The following ATP13A5 variants were observed in gnomAD, a reference collection of about 807,000 sequenced individuals.
ATP13A5 encodes ATPase 13A5, also known as probable cation-transporting ATPase 13A5.
A neutral mutation model predicts 150.2 loss-of-function variants in ATP13A5; 149 were observed. That is an observed-to-expected ratio of 0.99 (90% confidence interval 0.87 to 1.14). The LOEUF is 1.14. Ranked by LOEUF, ATP13A5 falls within the 50% of genes most tolerant of loss-of-function variation. The pLI, the probability that ATP13A5 is intolerant of heterozygous loss-of-function variation, is 0.00. For missense variants in ATP13A5, 1,383 were observed against 1,449.3 expected (o/e 0.95, Z 0.74); for synonymous variants, 497 against 522.2 (o/e 0.95, Z 0.66).
Position 193,325,139 on chromosome 3 carries a change from A to G in ATP13A5, c.1524-125T>C, listed in dbSNP as rs186292909. On this transcript the variant is annotated intron_variant, in intron 13 of 29. Transcript: ENST00000342358. ...GCTCAGAACCTTCCCATGGCTCCCTATGCTCCAAATGATAAAGTCCAAACC... is the reference window on the plus strand; with the variant it reads ...GCTCAGAACCTTCCCATGGCTCCCTGTGCTCCAAATGATAAAGTCCAAACC... The G allele has an allele frequency of 1.6e-3, 1,438 of 890,408 alleles. 18 individuals are homozygous for G. The Admixed American group carries it at 0.022, about 14-fold the overall frequency. 55.2% of individuals were successfully genotyped at this position (890,408 alleles called of 1,614,324 possible). A position where few individuals can be genotyped will look rare whatever the true frequency, so the allele number is the denominator to read the frequency against.
intron 7 of ATP13A5, among the ~76,000 whole-genome samples, chr3:193,349,065 C>T (rs1048679782): frequency 3.3e-5 from 5 of 152,216 alleles, no homozygotes; most frequent in Admixed American, 1.3e-4. Context: ...TGAATGTGGG[C>T]GCCTATTGTA....
chr3:193,353,555 G>A (rs1471842141), intron 6 of ATP13A5, among the ~76,000 whole-genome samples: 2 of 152,120 alleles, frequency 1.3e-5, no homozygotes, highest in African/African-American at 2.4e-5. Flanking sequence ...AACCCCCAGT[G>A]TGATGGTATT....
intron 25 of ATP13A5, among the ~76,000 whole-genome samples, chr3:193,296,250 A>G (rs1718165381): frequency 6.6e-6 from 1 of 152,122 alleles, no homozygotes; most frequent in Non-Finnish European, 1.5e-5. Flanking sequence ...GGTGTGGTCT[A>G]GTCCATACCT....
chr3:193,298,282 T>C (rs1188733097), intron 25 of ATP13A5, among the ~76,000 whole-genome samples: 2 of 152,102 alleles, frequency 1.3e-5, no homozygotes, highest in African/African-American at 4.8e-5. Context: ...AATTATTCAG[T>C]CATATGAATA....
Position 193,290,218 on chromosome 3 carries a change from A to G in ATP13A5, c.2849-159T>C, listed in dbSNP as rs189836230. Among the ~76,000 whole-genome samples the G allele has an allele frequency of 3.9e-3, 599 of 152,258 alleles. 6 individuals carry two copies. Among genetic ancestry groups the G allele is most frequent in the African/African-American group, 0.014 (581 of 41,562 alleles). The stretch of plus-strand genomic sequence containing the variant: ...AGGTAAGCACATTGCCTGGTGGCAC[A>G]TCCAGTTCCACCAGCCTTTGTCTCT... On this transcript the variant is annotated intron_variant, in intron 25 of 29. Transcript: ENST00000342358.
At chr3:193,302,746 A>G (rs2108841341) in intron 23 of ATP13A5, among the ~76,000 whole-genome samples, 1 of 152,316 alleles carries the variant, frequency 6.6e-6, no homozygotes, top group East Asian at 1.9e-4. Context: ...CAAAGATGAA[A>G]ATCCGTGGAT....
intron 20 of ATP13A5, 147 bp from the exon 21 acceptor site, chr3:193,310,864 A>C: frequency 1.8e-6 from 1 of 545,890 alleles, no homozygotes; most frequent in Non-Finnish European, 3.2e-6. Flanking sequence ...GAAGGGAAAT[A>C]AGGAGATTTA....
At chr3:193,356,508 G>T (rs1712796268) in intron 5 of ATP13A5, among the ~76,000 whole-genome samples, 1 of 152,076 alleles carries the variant, frequency 6.6e-6, no homozygotes, top group South Asian at 2.1e-4. Flanking sequence ...TACTTGGGAG[G>T]CTGAGGCAGG....
chr3:193,303,015 C>A (rs73196879), intron 23 of ATP13A5, among the ~76,000 whole-genome samples: 2,788 of 152,272 alleles, frequency 0.018, 43 homozygotes, highest in Non-Finnish European at 0.03. Context: ...GGGCCACATG[C>A]ATGAGGAGGA....
chr3:193,364,327 T>TA, intron 1 of ATP13A5, 47 bp from the exon 2 acceptor site: 4 of 1,585,102 alleles, frequency 2.5e-6, no homozygotes, highest in Non-Finnish European at 3.4e-6. Flanking sequence ...TTTCTTCACA[T>TA]AAACATATTA....
intron 23 of ATP13A5, among the ~76,000 whole-genome samples, chr3:193,301,776 T>C (rs1718404350): frequency 1.3e-5 from 2 of 152,148 alleles, no homozygotes; most frequent in South Asian, 2.1e-4. Context: ...AGCTAAAGGA[T>C]AGGTGCTTTG....
At chr3:193,344,250 G>T (rs1577361349) in intron 8 of ATP13A5, among the ~76,000 whole-genome samples, 195 bp from the exon 9 acceptor site, 2 of 152,160 alleles carry the variant, frequency 1.3e-5, no homozygotes, top group South Asian at 4.1e-4. Flanking sequence ...CTCAGAAAAG[G>T]ATTAGCTAAG....
At chr3:193,294,360 G>A (rs1357303692) in intron 25 of ATP13A5, among the ~76,000 whole-genome samples, 1 of 152,020 alleles carries the variant, frequency 6.6e-6, no homozygotes, top group African/African-American at 2.4e-5. Context: ...TCTAGTTTGA[G>A]GAGTTCTTGT....
intron 6 of ATP13A5, 60 bp downstream of exon 6, chr3:193,354,067 A>G: frequency 7.3e-7 from 1 of 1,371,524 alleles, no homozygotes; most frequent in South Asian, 1.3e-5. Context: ...CCTTCTAGGA[A>G]GTAAGAAGTA....
intron 1 of ATP13A5, among the ~76,000 whole-genome samples, chr3:193,364,862 A>T (rs1713183286): frequency 6.6e-6 from 1 of 152,198 alleles, no homozygotes; most frequent in Non-Finnish European, 1.5e-5. Context: ...AGACTTTCAA[A>T]AAGCAGCTTA....
chr3:193,296,933 G>A (rs1190947705), intron 25 of ATP13A5, among the ~76,000 whole-genome samples: 1 of 152,044 alleles, frequency 6.6e-6, no homozygotes, highest in Non-Finnish European at 1.5e-5. Flanking sequence ...TGGACACATA[G>A]TGGGAGACAA....
intron 9 of ATP13A5, among the ~76,000 whole-genome samples, chr3:193,338,153 A>G (rs1711966579): frequency 6.6e-6 from 1 of 152,204 alleles, no homozygotes; most frequent in Non-Finnish European, 1.5e-5. Flanking sequence ...GGGGTTTTCT[A>G]AATATACAAT....
Position 193,333,772 on chromosome 3 carries a change from A to G in ATP13A5, c.1250T>C (p.Leu417Pro), listed in dbSNP as rs1183145231. The G allele has an allele frequency of 1.5e-5, 25 of 1,613,712 alleles. No homozygotes were observed. Among genetic ancestry groups the G allele is most frequent in the African/African-American group, 8.0e-5 (6 of 74,910 alleles). Reference protein sequence around the residue: ...CLGVMGFFYALGVYMYHGVPP... With the variant: ...CLGVMGFFYAPGVYMYHGVPP... ...TACTCCATGGTACATATATACCCCT[A>G]GGGCATAGAAAAAACCCATGACACC... The change falls in exon 11 of 30, where the codon CTA becomes CCA. Residue 417 changes from leucine to proline, a missense_variant. By Grantham distance (98) the Leu-to-Pro change is moderately conservative. Transcript: ENST00000342358.
intron 5 of ATP13A5, among the ~76,000 whole-genome samples, chr3:193,356,748 A>C (rs1712806199): frequency 6.6e-6 from 1 of 152,174 alleles, no homozygotes; most frequent in Non-Finnish European, 1.5e-5. Flanking sequence ...ATTAAAGTAT[A>C]ATGTATACTT....
Sources: gnomAD v4.1 joint callset for allele counts (sites outside exome capture counted in the v4.1 genomes callset) on GRCh38, gnomAD v4.1.1 for gene constraint, MANE v1.5 for transcripts, NCBI Gene and HGNC (gene_info 2026-07-23, HGNC 2026-07-21) for gene names.